FRY: variants seen among roughly 807,000 people sequenced by gnomAD.
The protein encoded by FRY is FRY microtubule binding protein, also known as protein furry homolog.
A neutral mutation model predicts 348.4 loss-of-function variants in FRY; 128 were observed. The ratio of observed to expected loss-of-function variants is 0.37; its 90% CI spans 0.32 to 0.43. FRY has a LOEUF of 0.43. FRY is among the 20% of genes least tolerant of loss of function. FRY has a pLI of 1.00. For synonymous variants in FRY, 1,370 were observed against 1,374.7 expected (o/e 1.00, Z 0.08); for missense variants, 2,736 against 3,695.2 (o/e 0.74, Z 6.73).
chr13:32,124,143 T>C, intron 4 of FRY, 143 bp from the exon 5 acceptor site: 1 of 648,112 alleles, frequency 1.5e-6, no homozygotes, highest in South Asian at 1.9e-5. Context: ...CGGCCAACGT[T>C]AGCATGTATC....
At position 32,187,493 on chromosome 13, in the gene FRY, C is replaced by T. The variant is rs972941596; in HGVS notation, c.3481-53C>T. ...ATGGTTTATAAAGTCAGTTGGATAC[C>T]ATTAGATCATTCCAAGTTTCATTTC... On this transcript the variant is annotated intron_variant, in intron 27 of 60. Transcript: ENST00000542859. 6 of 1,024,700 alleles carry T rather than the reference C, an allele frequency of 5.9e-6. No individual in the cohort carries two copies. The African/African-American group carries it at 9.4e-5, about 16-fold the overall frequency. 63.5% of individuals were successfully genotyped at this position (1,024,700 alleles called of 1,614,324 possible). A position where few individuals can be genotyped will look rare whatever the true frequency, so the allele number is the denominator to read the frequency against.
At chr13:32,068,495 A>G (rs1459140358) in intron 1 of FRY, among the ~76,000 whole-genome samples, 1 of 152,202 alleles carries the variant, frequency 6.6e-6, no homozygotes, top group Non-Finnish European at 1.5e-5. Context: ...GACAGTACCT[A>G]CTTTGAAAAT....
At chr13:32,270,973 T>C (rs900072561) in intron 55 of FRY, among the ~76,000 whole-genome samples, 4 of 152,182 alleles carry the variant, frequency 2.6e-5, no homozygotes, top group African/African-American at 4.8e-5. Flanking sequence ...AGCGGGTTCA[T>C]TACCAAGACC....
chr13:32,228,362 T>C (rs1430279993), intron 39 of FRY, 94 bp from the exon 40 acceptor site: 2 of 932,202 alleles, frequency 2.1e-6, no homozygotes, highest in Non-Finnish European at 3.6e-6. Context: ...TTTAAATAAC[T>C]CCACACTTCC....
chr13:32,164,160 G>GCAA (rs1216559752), intron 17 of FRY, among the ~76,000 whole-genome samples: 4 of 152,116 alleles, frequency 2.6e-5, no homozygotes, highest in Non-Finnish European at 4.4e-5. Flanking sequence ...TAATTCAATA[G>GCAA]CAATAAATGT....
intron 24 of FRY, among the ~76,000 whole-genome samples, chr13:32,183,776 CAAAA>C (rs10706504): frequency 9.0e-5 from 7 of 78,106 alleles, no homozygotes; most frequent in Non-Finnish European, 9.4e-5. Flanking sequence ...ACTCTGTCTC[CAAAA>C]AAAAAAAAAA....
At chr13:32,208,310 C>A (rs798992) in intron 31 of FRY, among the ~76,000 whole-genome samples, 61,930 of 152,192 alleles carry the variant, frequency 0.41, 12,808 homozygotes, top group Admixed American at 0.43. Flanking sequence ...TTGGTGTTAG[C>A]CTGATCCTAA....
chr13:32,276,336 A>G (rs907053790), intron 56 of FRY, 128 bp from the exon 57 acceptor site: 17 of 687,902 alleles, frequency 2.5e-5, no homozygotes, highest in Admixed American at 6.3e-5. Context: ...CAAATTTCAC[A>G]GCTTATTAAA....
intron 1 of FRY, among the ~76,000 whole-genome samples, chr13:32,045,694 T>C (rs756665625): frequency 1.3e-5 from 2 of 152,242 alleles, no homozygotes; most frequent in African/African-American, 2.4e-5. Flanking sequence ...CTTTGACCTG[T>C]AGCCTATAAT....
At chr13:32,086,031 G>A (rs1875841616) in intron 2 of FRY, 1 of 516,020 alleles carries the variant, frequency 1.9e-6, no homozygotes, top group African/African-American at 1.9e-5. Context: ...GAAGACCTAG[G>A]CGGTAAAACC....
At chr13:32,283,782 A>C (rs1434973397) in intron 58 of FRY, among the ~76,000 whole-genome samples, 1 of 152,246 alleles carries the variant, frequency 6.6e-6, no homozygotes, top group East Asian at 1.9e-4. Context: ...TTGTGTCATA[A>C]GAACACTTTA....
chr13:32,170,920 A>C, intron 17 of FRY, 92 bp from the exon 18 acceptor site: 3 of 951,692 alleles, frequency 3.2e-6, no homozygotes, highest in Non-Finnish European at 3.4e-6. Context: ...CTCAAGTAGA[A>C]GAGATATACA....
At chr13:32,217,417 A>G (rs1227987125) in intron 35 of FRY, among the ~76,000 whole-genome samples, 1 of 152,198 alleles carries the variant, frequency 6.6e-6, no homozygotes, top group African/African-American at 2.4e-5. Flanking sequence ...AATCCTAGAT[A>G]GAAGCATAAT....
At chr13:32,197,207 G>A (rs556835678) in intron 29 of FRY, among the ~76,000 whole-genome samples, 3 of 152,096 alleles carry the variant, frequency 2.0e-5, no homozygotes, top group East Asian at 3.9e-4. Context: ...ATTTATTTTC[G>A]GTGGTGGTTT....
chr13:32,264,569 T>G (rs191980913), intron 53 of FRY, among the ~76,000 whole-genome samples: 3 of 152,314 alleles, frequency 2.0e-5, no homozygotes, highest in Admixed American at 6.5e-5. Flanking sequence ...CCAGTTGCCT[T>G]CCTTCCTCTC....
In FRY at chr13:32,239,897, T is replaced by C; in HGVS notation, c.6687+16T>C. ...CCTGGCAGAGGTAAGCTTTTTTTTT[T>C]TGTTTTTTGAGACAGGGTCTCATTA... On this transcript the variant is annotated intron_variant, in intron 46 of 60. Transcript: ENST00000542859. This position sits in a 1 kb window ranked among gnomAD's most constrained non-coding sequence, Gnocchi z 4.3. 1 of 1,611,314 alleles carries C rather than the reference T, an allele frequency of 6.2e-7. No homozygotes were observed. Among genetic ancestry groups the C allele is most frequent in the East Asian group, 2.2e-5 (1 of 44,846 alleles).
At chr13:32,200,999 T>C (rs1435231936) in intron 29 of FRY, among the ~76,000 whole-genome samples, 1 of 152,140 alleles carries the variant, frequency 6.6e-6, no homozygotes, top group African/African-American at 2.4e-5. Context: ...TCTTCAAAAG[T>C]GAATGCCGTG....
In FRY at chr13:32,186,257, T is replaced by C. The variant is rs750393854; in HGVS notation, c.3320-3T>C. ...TAACCTCTAAGTGTGTTTTTCTCCCTAGTTCACCACCGAAGATTTCTCTTC... is the reference window on the plus strand; with the variant it reads ...TAACCTCTAAGTGTGTTTTTCTCCCCAGTTCACCACCGAAGATTTCTCTTC... On this transcript the variant is annotated splice_region_variant and splice_polypyrimidine_tract_variant and intron_variant, in intron 26 of 60. Coordinates refer to ENST00000542859, the MANE Select transcript of FRY (RefSeq NM_023037.3). The C allele has an allele frequency of 4.3e-6, 7 of 1,610,450 alleles. No homozygotes were observed. The highest frequency in any genetic ancestry group is 5.9e-6 in the Non-Finnish European group (7 of 1,176,670).
At chr13:32,235,836 G>A (rs1363606513) in intron 42 of FRY, among the ~76,000 whole-genome samples, 1 of 152,144 alleles carries the variant, frequency 6.6e-6, no homozygotes, top group Admixed American at 6.5e-5. Flanking sequence ...ACCCCTCGCT[G>A]TTGAATTTCA....
Sources: gnomAD v4.1 joint callset for allele counts (sites outside exome capture counted in the v4.1 genomes callset) on GRCh38, gnomAD v4.1.1 for gene constraint, Gnocchi (gnomAD v3.1) non-coding constraint, MANE v1.5 for transcripts, NCBI Gene and HGNC (gene_info 2026-07-23, HGNC 2026-07-21) for gene names.